Variants in TSC2 observed in about 807,000 individuals in gnomAD.
The protein encoded by TSC2 is TSC complex subunit 2, also known as tuberin.
A neutral mutation model predicts 202.2 loss-of-function variants in TSC2; 29 were observed. That is an observed-to-expected ratio of 0.14 (90% CI 0.11 to 0.20). The LOEUF (loss-of-function observed/expected upper bound fraction) is 0.20. Among genes scored for constraint, TSC2 ranks in the 10% least tolerant of loss-of-function variants. The pLI, the probability that TSC2 is intolerant of heterozygous loss-of-function variation, is 1.00. For synonymous variants in TSC2, 1,349 were observed against 1,044.0 expected, an observed-to-expected ratio of 1.29 and a Z score of -5.63; for missense variants, 2,429 against 2,420.0, an observed-to-expected ratio of 1.00 and a Z score of -0.08.
chr16:2,083,831 G>T lies in TSC2; in HGVS notation c.4005+15G>T, dbSNP rs2151514617. On this transcript the variant is annotated intron_variant, in intron 33 of 41. Transcript: ENST00000219476. ...CCTACAGCAGGGTGAGTGTGGCTCA[G>T]AGCCTGGACCCTGCTGACCTCGGGG... 6.2e-7 allele frequency: 1 copy of T among 1,608,430 alleles called. No homozygotes were observed. Among genetic ancestry groups the T allele is most frequent in the Non-Finnish European group, 8.5e-7 (1 of 1,178,556 alleles).
rs2087223499 is a variant in TSC2, at chr16:2,065,525, G to T, written c.1606G>T (p.Ala536Ser). 1 of 1,613,044 alleles carries T rather than the reference G, an allele frequency of 6.2e-7. No homozygotes were observed. The highest frequency in any genetic ancestry group is 8.5e-7 in the Non-Finnish European group (1 of 1,179,658). ...SLLDIIEKVM[A>S]RSLSPPPELE... The stretch of plus-strand genomic sequence containing the variant: ...CCTGGCCTTCTCTTCAAAGGTGATG[G>T]CCCGCTCCCTCTCCCCACCCCCGGA... Residue 536 changes from alanine (A) to serine (S), a missense_variant, in exon 16 of 42, where the codon GCC (alanine) becomes TCC (serine). Ala to Ser is a moderately conservative substitution (Grantham distance 99). Transcript: ENST00000219476.
chr16:2,074,494 G>A lies in TSC2; in HGVS notation c.2545+105G>A, dbSNP rs370457664. On this transcript the variant is annotated intron_variant, in intron 22 of 41. Transcript: ENST00000219476. The stretch of plus-strand genomic sequence containing the variant: ...TCAGGACTCCTTGGGGAACCTGGGT[G>A]TCTCGCCTTCTGCTGCCTCAGGGCC... 35 of 1,419,406 alleles carry A rather than the reference G, an allele frequency of 2.5e-5. No individual in the cohort carries two copies. The East Asian group carries it at 3.1e-4, about 13-fold the overall frequency. 87.9% of individuals were successfully genotyped at this position (1,419,406 alleles called of 1,614,324 possible). A position where few individuals can be genotyped will look rare whatever the true frequency, so the allele number is the denominator to read the frequency against.
intron 26 of TSC2, chr16:2,078,587 G>T: frequency 4.0e-6 from 1 of 248,622 alleles, no homozygotes; most frequent in Non-Finnish European, 7.9e-6. Context: ...TGGAGCTCAG[G>T]CAGCCGCTCG....
chr16:2,050,793 T>G (rs1190850959), intron 3 of TSC2, among the ~76,000 whole-genome samples: 1 of 151,818 alleles, frequency 6.6e-6, no homozygotes, highest in East Asian at 2.0e-4. Context: ...TTCGCCATGT[T>G]GGCCAGGCTG....
chr16:2,076,871 T>C (rs189502160), intron 25 of TSC2, among the ~76,000 whole-genome samples: 1 of 152,134 alleles, frequency 6.6e-6, no homozygotes, highest in African/African-American at 2.4e-5. Flanking sequence ...GGAGCCGGCC[T>C]TGTCTGGGGC....
rs751007200 is a variant in TSC2, at chr16:2,086,898, G to A, written c.4989+27G>A. On this transcript the variant is annotated intron_variant, in intron 38 of 41. Transcript: ENST00000219476. ...TGAGTGAGGGGCCGTCAGTGAGGCT[G>A]GGCCCCAGGCAGGTGCCCACTGCTG... 1.0e-5 allele frequency: 16 copies of A among 1,561,170 alleles called. No individual in the cohort carries two copies. In the South Asian group the frequency reaches 1.9e-4, roughly 18 times the overall value.
At chr16:2,058,606 C>T (rs949667641) in intron 9 of TSC2, 141 bp from the exon 10 acceptor site, 1 of 1,301,874 alleles carries the variant, frequency 7.7e-7, no homozygotes, top group Non-Finnish European at 1.1e-6. Flanking sequence ...TGTTCCCTGC[C>T]CTTCCCCAGC....
In TSC2 at chr16:2,054,413, C is replaced by G. The variant is rs397515285; in HGVS notation, c.454C>G (p.His152Asp). Residue 152 changes from histidine to aspartate, a missense_variant, in exon 5 of 42, where the codon CAC (histidine) becomes GAC (aspartate). Coordinates refer to ENST00000219476, the MANE Select transcript of TSC2 (RefSeq NM_000548.5). ...CAAGGCCCTCACAGACAATGGGAGA[C>G]ACATCACCTACTTGGAGGAAGAGCT... ...VFKALTDNGR[H>D]ITYLEEELAD... 2.5e-5 allele frequency: 41 copies of G among 1,614,110 alleles called. No individual in the cohort carries two copies. The highest frequency in any genetic ancestry group is 3.4e-5 in the Non-Finnish European group (40 of 1,180,054).
chr16:2,049,683 G>T (rs917919479), intron 2 of TSC2, among the ~76,000 whole-genome samples: 2 of 151,466 alleles, frequency 1.3e-5, no homozygotes, highest in Non-Finnish European at 2.9e-5. Context: ...AAAATTAGCC[G>T]GTCATAGTGG....
Position 2,088,859 on chromosome 16 carries a change from GCACACTCGCGCGTGCGCGCGCGCACA to G in TSC2, c.*255_*280del, listed in dbSNP as rs928885380. The G allele has an allele frequency of 1.4e-4, 77 of 553,460 alleles. No homozygotes were observed. Among genetic ancestry groups the G allele is most frequent in the African/African-American group, 1.4e-3 (66 of 47,962 alleles). 34.3% of individuals were successfully genotyped at this position (553,460 alleles called of 1,614,324 possible). ...GCCTTGAGGCTGCCTGGGCCATACA[GCACACTCGCGCGTGCGCGCGCGCACA>G]CACACACACACACAGTCACCTTCCT... On this transcript the variant is annotated 3_prime_UTR_variant, in exon 42 of 42. Transcript: ENST00000219476.
intron 12 of TSC2, 40 bp from the exon 13 acceptor site, chr16:2,062,457 C>T (rs762086055): frequency 6.3e-5 from 99 of 1,562,712 alleles, no homozygotes; most frequent in Admixed American, 9.1e-5. Context: ...AGGAGAGCGC[C>T]GGAGGGGCAG....
Position 2,058,803 on chromosome 16 carries a change from C to G in TSC2, c.905C>G (p.Ala302Gly), listed in dbSNP as rs2151107275. The G allele has an allele frequency of 6.3e-7, 1 of 1,598,710 alleles. No individual in the cohort carries two copies. Among genetic ancestry groups the G allele is most frequent in the African/African-American group, 1.3e-5 (1 of 74,996 alleles). ...LRGAVFFVGM[A>G]LWGAHRLYSL... ...GGAGCCGTGTTTTTTGTGGGCATGG[C>G]TCTCTGGGGAGCCCACCGGCTCTAT... The change falls in exon 10 of 42, where the codon GCT (alanine) becomes GGT (glycine). Residue 302 changes from alanine (A) to glycine (G), a missense_variant. Transcript: ENST00000219476.
chr16:2,078,981 T>C, intron 26 of TSC2, 51 bp from the exon 27 acceptor site: 1 of 1,609,028 alleles, frequency 6.2e-7, no homozygotes, highest in Non-Finnish European at 8.5e-7. Context: ...GATAGGTGGC[T>C]CGGCCCGCCC....
chr16:2,058,926 A>T lies in TSC2; in HGVS notation c.975+53A>T, dbSNP rs1425746843. 3.2e-6 allele frequency: 5 copies of T among 1,578,106 alleles called. No individual in the cohort carries two copies. The Admixed American group carries it at 9.1e-5, about 29-fold the overall frequency. On this transcript the variant is annotated intron_variant, in intron 10 of 41. Transcript: ENST00000219476. Reference sequence around the variant, plus strand: ...TGGCAGGAACGGGAGAGCTCCCCTCACGCCTGCCCACCCATCCCACTGGGG... The same window carrying T: ...TGGCAGGAACGGGAGAGCTCCCCTCTCGCCTGCCCACCCATCCCACTGGGG...
chr16:2,054,455 G>A lies in TSC2; in HGVS notation c.481+15G>A. The A allele has an allele frequency of 6.2e-7, 1 of 1,614,090 alleles. No homozygotes were observed. Among genetic ancestry groups the A allele is most frequent in the African/African-American group, 1.3e-5 (1 of 75,066 alleles). On this transcript the variant is annotated intron_variant, in intron 5 of 41. Coordinates refer to ENST00000219476, the MANE Select transcript of TSC2 (RefSeq NM_000548.5). Reference sequence around the variant, plus strand: ...GGAAGAGCTGGGTGGGTGCCACCTTGGGTTGGAGGTTTCTCTGGCCTTGAC... The same window carrying A: ...GGAAGAGCTGGGTGGGTGCCACCTTAGGTTGGAGGTTTCTCTGGCCTTGAC...
chr16:2,061,846 T>A (rs1254942053), intron 11 of TSC2, 25 bp from the exon 12 acceptor site: 1 of 1,614,016 alleles, frequency 6.2e-7, no homozygotes, highest in Non-Finnish European at 8.5e-7. Flanking sequence ...GAAGTCAGCC[T>A]GTGTCATCGT....
In TSC2 at chr16:2,071,869, G is replaced by A. The variant is rs200494044; in HGVS notation, c.2032G>A (p.Ala678Thr). Reference sequence around the variant, plus strand: ...TCCTGGCCCGGCGCCTGCAGGCCCCGCCGTGCGGCTGGGGTCCGTGCCCTA... The same window carrying A: ...TCCTGGCCCGGCGCCTGCAGGCCCCACCGTGCGGCTGGGGTCCGTGCCCTA... ...GPPGPAPAGP[A>T]VRLGSVPYSL... Residue 678 changes from alanine to threonine, a missense_variant, in exon 19 of 42, where the codon GCC becomes ACC. Coordinates refer to ENST00000219476, the MANE Select transcript of TSC2 (RefSeq NM_000548.5). 599 of 1,593,938 alleles carry A rather than the reference G, an allele frequency of 3.8e-4. 5 individuals carry two copies. The East Asian group carries it at 9.7e-3, about 26-fold the overall frequency.
intron 8 of TSC2, 37 bp downstream of exon 8, chr16:2,056,806 A>G: frequency 6.2e-7 from 1 of 1,602,578 alleles, no homozygotes; most frequent in Non-Finnish European, 8.5e-7. Flanking sequence ...GGTTCCTGAG[A>G]GCACATGGAT....
rs563574753 is a variant in TSC2 at position 2,070,403 on chromosome 16, A to C, written c.1717-53A>C. 4.2e-5 allele frequency: 68 copies of C among 1,612,998 alleles called. No individual in the cohort carries two copies. In the African/African-American group the frequency reaches 7.6e-4, roughly 18 times the overall value. On this transcript the variant is annotated intron_variant, in intron 16 of 41. Coordinates refer to ENST00000219476, the MANE Select transcript of TSC2 (RefSeq NM_000548.5). Reference sequence around the variant, plus strand: ...TGCTCCGGGACAAGGGTGCTGTCTTAGGACTGCGTTTTCACCTCCTGCGCC... The same window carrying C: ...TGCTCCGGGACAAGGGTGCTGTCTTCGGACTGCGTTTTCACCTCCTGCGCC...
Sources: allele counts gnomAD v4.1 joint callset (sites outside exome capture counted in the v4.1 genomes callset), GRCh38; gene constraint gnomAD v4.1.1; transcripts MANE v1.5; gene names NCBI Gene and HGNC (gene_info 2026-07-23, HGNC 2026-07-21).